The following SLX4IP variants were observed in gnomAD, a reference collection of about 807,000 sequenced individuals.
SLX4IP encodes protein SLX4IP.
In SLX4IP, 34 loss-of-function variants were observed where a neutral mutation model predicts 32.9. The observed-to-expected ratio is 1.03, with a 90% CI of 0.79 to 1.38. The LOEUF (loss-of-function observed/expected upper bound fraction) is 1.38, where lower values mean the gene tolerates loss of function less well. Ranked by LOEUF, SLX4IP falls within the 40% of genes most tolerant of loss-of-function variation. SLX4IP has a pLI of 0.00. For synonymous variants in SLX4IP, 172 were observed against 171.7 expected, an observed-to-expected ratio of 1.00 and a Z score of -0.01; for missense variants, 444 against 479.0, an observed-to-expected ratio of 0.93 and a Z score of 0.68.
At chr20:10,522,267 G>A (rs1396567101) in intron 2 of SLX4IP, among the ~76,000 whole-genome samples, 1 of 152,024 alleles carries the variant, frequency 6.6e-6, no homozygotes, top group Non-Finnish European at 1.5e-5. Flanking sequence ...GCCTTTTTTG[G>A]GGGGATCTTA....
chr20:10,559,248 C>T (rs1291133687), intron 3 of SLX4IP, among the ~76,000 whole-genome samples: 2 of 152,042 alleles, frequency 1.3e-5, no homozygotes, highest in African/African-American at 2.4e-5. Context: ...TAGGCTGCAA[C>T]ATGAAAAGCA....
chr20:10,545,536 G>GA (rs1466894499), intron 2 of SLX4IP, among the ~76,000 whole-genome samples: 2 of 152,096 alleles, frequency 1.3e-5, no homozygotes, highest in Non-Finnish European at 2.9e-5. Context: ...TAATACCCCA[G>GA]AAAAAATTAA....
intron 2 of SLX4IP, among the ~76,000 whole-genome samples, chr20:10,548,385 C>G (rs1019347958): frequency 6.6e-6 from 1 of 152,092 alleles, no homozygotes; most frequent in African/African-American, 2.4e-5. Context: ...ACTACAGGCG[C>G]CCGCCACCAC....
chr20:10,580,882 C>T (rs953200384), intron 4 of SLX4IP, among the ~76,000 whole-genome samples: 1 of 152,094 alleles, frequency 6.6e-6, no homozygotes, highest in Non-Finnish European at 1.5e-5. Flanking sequence ...CATATATACT[C>T]CAGTTTGCTG....
chr20:10,558,373 A>C (rs1456034102), intron 3 of SLX4IP, among the ~76,000 whole-genome samples: 1 of 147,786 alleles, frequency 6.8e-6, no homozygotes, highest in Non-Finnish European at 1.5e-5. Context: ...CAATTCGCTG[A>C]TGTTAAAATT....
chr20:10,475,702 G>A (rs80343525), intron 2 of SLX4IP, among the ~76,000 whole-genome samples: 1,844 of 152,236 alleles, frequency 0.012, 29 homozygotes, highest in South Asian at 0.056. Context: ...TGCACTTTCT[G>A]CCCCAATAGC....
chr20:10,615,179 T>C (rs1237233270), intron 6 of SLX4IP, among the ~76,000 whole-genome samples: 1 of 152,138 alleles, frequency 6.6e-6, no homozygotes, highest in African/African-American at 2.4e-5. Context: ...GAAGTGCCAA[T>C]GCAGCCACTT....
chr20:10,493,431 T>C (rs184773958), intron 2 of SLX4IP, among the ~76,000 whole-genome samples: 98 of 152,352 alleles, frequency 6.4e-4, no homozygotes, highest in African/African-American at 2.3e-3. Flanking sequence ...ATTTTTTAGA[T>C]TGATGTTGAA....
At chr20:10,599,491 G>A (rs2122547202) in intron 5 of SLX4IP, among the ~76,000 whole-genome samples, 1 of 151,410 alleles carries the variant, frequency 6.6e-6, no homozygotes, top group South Asian at 2.1e-4. Context: ...GAGTACAGTG[G>A]TGCAATCATG....
chr20:10,467,637 T>C (rs1437465217), intron 2 of SLX4IP, among the ~76,000 whole-genome samples: 1 of 152,222 alleles, frequency 6.6e-6, no homozygotes, highest in Non-Finnish European at 1.5e-5. Flanking sequence ...CCATTCAGTA[T>C]CATTGTTCTA....
intron 2 of SLX4IP, among the ~76,000 whole-genome samples, chr20:10,518,394 T>C (rs962752190): frequency 1.9e-5 from 2 of 107,584 alleles, no homozygotes; most frequent in African/African-American, 6.1e-5. Flanking sequence ...CTTCTTCCTT[T>C]CTTTCTTTCT....
chr20:10,512,427 A>T (rs907519835), intron 2 of SLX4IP, among the ~76,000 whole-genome samples: 3 of 150,928 alleles, frequency 2.0e-5, no homozygotes, highest in East Asian at 1.9e-4. Context: ...ATTTTTTTTT[A>T]AAGAGATGGG....
chr20:10,533,221 G>A (rs2066004570), intron 2 of SLX4IP, among the ~76,000 whole-genome samples: 1 of 152,024 alleles, frequency 6.6e-6, no homozygotes, highest in Non-Finnish European at 1.5e-5. Context: ...AAATCACTCT[G>A]GTGGGAAGAA....
At chr20:10,614,138 G>C in intron 6 of SLX4IP, 1 of 1,300,784 alleles carries the variant, frequency 7.7e-7, no homozygotes. Context: ...CCTCGCCATC[G>C]GAGGCCTCGC....
At chr20:10,620,332 G>A (rs2067093250) in intron 6 of SLX4IP, among the ~76,000 whole-genome samples, 1 of 152,188 alleles carries the variant, frequency 6.6e-6, no homozygotes. Context: ...ATGTTGGCAA[G>A]GTAGGTAGGC....
intron 3 of SLX4IP, among the ~76,000 whole-genome samples, chr20:10,557,442 CTCT>C (rs1262298191): frequency 6.6e-6 from 1 of 152,198 alleles, no homozygotes; most frequent in East Asian, 1.9e-4. Context: ...TAACTGTGGA[CTCT>C]TCTCTTCAGG....
intron 2 of SLX4IP, among the ~76,000 whole-genome samples, chr20:10,546,050 CAT>C (rs751000425): frequency 2.6e-5 from 4 of 152,180 alleles, no homozygotes; most frequent in East Asian, 1.9e-4. Context: ...CATGATCACA[CAT>C]GTTAGATCAA....
At chr20:10,520,569 A>T (rs892723412) in intron 2 of SLX4IP, among the ~76,000 whole-genome samples, 11 of 152,138 alleles carry the variant, frequency 7.2e-5, no homozygotes, top group African/African-American at 2.2e-4. Flanking sequence ...TTTGTATCAT[A>T]TCTAGGAAAT....
Position 10,459,005 on chromosome 20 carries a change from C to T in SLX4IP, c.27+774C>T, listed in dbSNP as rs534306223. 2.6e-5 allele frequency among the ~76,000 whole-genome samples: 4 copies of T among 152,178 alleles called. No homozygotes were observed. In the South Asian group the frequency reaches 6.2e-4, roughly 24 times the overall value. On this transcript the variant is annotated intron_variant, in intron 2 of 7. Coordinates refer to ENST00000334534, the MANE Select transcript of SLX4IP (RefSeq NM_001009608.3). Reference sequence around the variant, plus strand: ...CAGTGTAAAAATATTCCTTTTTCTCCGCAATCTCACCAGCATCTGTTGTTT... The same window carrying T: ...CAGTGTAAAAATATTCCTTTTTCTCTGCAATCTCACCAGCATCTGTTGTTT...
Sources: allele counts gnomAD v4.1 joint callset (sites outside exome capture counted in the v4.1 genomes callset), GRCh38; gene constraint gnomAD v4.1.1; transcripts MANE v1.5; gene names NCBI Gene and HGNC (gene_info 2026-07-23, HGNC 2026-07-21).